AJAP1: variants seen among roughly 807,000 people sequenced by gnomAD.
AJAP1 encodes the protein adherens junction-associated protein 1.
A neutral mutation model predicts 35.0 loss-of-function variants in AJAP1; 5 were observed. The observed-to-expected ratio is 0.14, with a 90% CI of 0.07 to 0.30. AJAP1 has a LOEUF of 0.30. Among genes scored for constraint, AJAP1 ranks in the 10% least tolerant of loss-of-function variants. AJAP1 has a pLI of 1.00. For missense variants in AJAP1, 586 were observed against 571.0 expected (o/e 1.03, Z -0.27); for synonymous variants, 284 against 249.3 (o/e 1.14, Z -1.31).
chr1:4,739,758 C>T (rs919742560), intron 2 of AJAP1, among the ~76,000 whole-genome samples: 1 of 152,030 alleles, frequency 6.6e-6, no homozygotes, highest in African/African-American at 2.4e-5. Context: ...CTTGTGATTT[C>T]TGTTCTTCAC....
chr1:4,691,333 C>T (rs1395433600), intron 1 of AJAP1, among the ~76,000 whole-genome samples: 2 of 152,188 alleles, frequency 1.3e-5, no homozygotes, highest in African/African-American at 4.8e-5. Context: ...AGGGTCAGGC[C>T]GGGCACACTG....
chr1:4,725,437 C>T (rs760454163), intron 2 of AJAP1, among the ~76,000 whole-genome samples: 5 of 152,102 alleles, frequency 3.3e-5, no homozygotes, highest in Non-Finnish European at 5.9e-5. Flanking sequence ...TGGTGCCTGG[C>T]GAGGGCTTGC....
intron 1 of AJAP1, among the ~76,000 whole-genome samples, chr1:4,708,570 C>T (rs1480923189): frequency 6.6e-6 from 1 of 152,248 alleles, no homozygotes; most frequent in African/African-American, 2.4e-5. Context: ...TGCCTCATCT[C>T]AGAGCCGCCC....
intron 2 of AJAP1, among the ~76,000 whole-genome samples, chr1:4,746,002 C>T (rs1363481012): frequency 7.9e-5 from 12 of 152,312 alleles, no homozygotes; most frequent in African/African-American, 2.2e-4. Flanking sequence ...ATTGGTTTCC[C>T]GTGGCTGCTG....
intron 2 of AJAP1, among the ~76,000 whole-genome samples, chr1:4,715,166 G>T (rs1233229314): frequency 6.6e-6 from 1 of 152,140 alleles, no homozygotes; most frequent in African/African-American, 2.4e-5. Flanking sequence ...CCCAACATTT[G>T]GTGGAACGTG....
chr1:4,666,143 C>T (rs1025319380), intron 1 of AJAP1, among the ~76,000 whole-genome samples: 2 of 143,016 alleles, frequency 1.4e-5, no homozygotes, highest in Non-Finnish European at 3.1e-5. Flanking sequence ...GAGGCTCCTC[C>T]GGCCCACCCA....
intron 2 of AJAP1, among the ~76,000 whole-genome samples, chr1:4,715,392 G>T (rs1390672745): frequency 1.3e-5 from 2 of 152,252 alleles, no homozygotes; most frequent in Non-Finnish European, 2.9e-5. Context: ...GCAAAATTGA[G>T]GCTTAGAAAT....
At chr1:4,668,149 G>T (rs1015158689) in intron 1 of AJAP1, among the ~76,000 whole-genome samples, 1 of 152,088 alleles carries the variant, frequency 6.6e-6, no homozygotes, top group Admixed American at 6.5e-5. Flanking sequence ...GCGAGGCAGA[G>T]GTTGCAGTGA....
intron 2 of AJAP1, among the ~76,000 whole-genome samples, chr1:4,735,612 C>T (rs1386029893): frequency 6.6e-6 from 1 of 152,212 alleles, no homozygotes; most frequent in Non-Finnish European, 1.5e-5. Context: ...GGAGGTCTCT[C>T]CTCCCAGGCT....
chr1:4,686,550 TG>T (rs1231995005), intron 1 of AJAP1, among the ~76,000 whole-genome samples: 2 of 152,224 alleles, frequency 1.3e-5, no homozygotes, highest in African/African-American at 4.8e-5. Context: ...CCAGTCTTTA[TG>T]GATAATACAC....
At chr1:4,668,542 A>T (rs543055208) in intron 1 of AJAP1, among the ~76,000 whole-genome samples, 1 of 152,344 alleles carries the variant, frequency 6.6e-6, no homozygotes, top group South Asian at 2.1e-4. Flanking sequence ...TATTTCACAG[A>T]TGGGTAAACT....
chr1:4,693,308 A>C lies in AJAP1; in HGVS notation c.30-18592A>C, dbSNP rs902700888. ...CAGGGGACGTCAGGGGCATGTGCTG[A>C]TGGAGAGGGACTCTCGGCTTCGGAG... On this transcript the variant is annotated intron_variant, in intron 1 of 5. Transcript: ENST00000378191. The surrounding 1 kb of genome is among the most constrained non-coding windows in gnomAD (Gnocchi z 4.4). Among the ~76,000 whole-genome samples, 2 of 146,310 alleles carry C rather than the reference A, an allele frequency of 1.4e-5. No homozygotes were observed. Among genetic ancestry groups the C allele is most frequent in the South Asian group, 4.4e-4 (2 of 4,536 alleles).
At chr1:4,681,374 G>A (rs960886870) in intron 1 of AJAP1, among the ~76,000 whole-genome samples, 2 of 152,230 alleles carry the variant, frequency 1.3e-5, no homozygotes, top group Non-Finnish European at 2.9e-5. Flanking sequence ...AGGAGGCTGG[G>A]TGCTTGCCAG....
chr1:4,732,338 C>G (rs976312608), intron 2 of AJAP1, among the ~76,000 whole-genome samples: 2 of 152,254 alleles, frequency 1.3e-5, no homozygotes, highest in Non-Finnish European at 2.9e-5. Context: ...CCTGGCATGG[C>G]TGAGGTGTCA....
intron 1 of AJAP1, among the ~76,000 whole-genome samples, chr1:4,673,018 C>G (rs74051929): frequency 2.0e-5 from 3 of 152,106 alleles, no homozygotes; most frequent in African/African-American, 4.8e-5. Context: ...TGCTTCCAGT[C>G]GAGGTGGGAC....
intron 2 of AJAP1, among the ~76,000 whole-genome samples, chr1:4,760,102 C>A (rs1323589665): frequency 6.6e-6 from 1 of 152,176 alleles, no homozygotes; most frequent in Admixed American, 6.5e-5. Flanking sequence ...ATTTCCCTAA[C>A]GGCCACCAAG....
chr1:4,696,216 G>T (rs7518469), intron 1 of AJAP1, among the ~76,000 whole-genome samples: 10,751 of 152,234 alleles, frequency 0.071, 421 homozygotes, highest in Admixed American at 0.099. Context: ...CAGAAATGTA[G>T]GCTTTCCCAG....
At chr1:4,690,450 A>G (rs1639713893) in intron 1 of AJAP1, among the ~76,000 whole-genome samples, 1 of 152,188 alleles carries the variant, frequency 6.6e-6, no homozygotes, top group Non-Finnish European at 1.5e-5. Context: ...TCATGGAGCC[A>G]CAACCAGGAG....
chr1:4,706,680 G>A lies in AJAP1; in HGVS notation c.30-5220G>A, dbSNP rs536995051. ...CACCAGCTGCTCCCAGGAGGCTCAC[G>A]CCGCACACTCCCGGCTCGGGGAAAG... is the stretch of plus-strand genomic sequence containing the variant. On this transcript the variant is annotated intron_variant, in intron 1 of 5. Transcript: ENST00000378191. 3.9e-5 allele frequency among the ~76,000 whole-genome samples: 6 copies of A among 152,314 alleles called. No homozygotes were observed. The South Asian group carries it at 1.2e-3, about 32-fold the overall frequency.
Sources: allele counts gnomAD v4.1 joint callset (sites outside exome capture counted in the v4.1 genomes callset), GRCh38; gene constraint gnomAD v4.1.1; non-coding constraint Gnocchi (gnomAD v3.1); transcripts MANE v1.5; gene names NCBI Gene and HGNC (gene_info 2026-07-23, HGNC 2026-07-21).